The following MYCN variants were observed in gnomAD, a reference collection of about 807,000 sequenced individuals.
MYCN encodes the protein N-myc proto-oncogene protein.
In MYCN, 3 loss-of-function variants were observed where a neutral mutation model predicts 28.1. That is an observed-to-expected ratio of 0.11 (90% CI 0.05 to 0.28). The LOEUF (loss-of-function observed/expected upper bound fraction) is 0.28, where lower values mean the gene tolerates loss of function less well. Ranked by LOEUF, MYCN falls within the 10% of genes least tolerant of loss-of-function variation. The pLI is 1.00. For synonymous variants in MYCN, 326 were observed against 288.3 expected (o/e 1.13, Z -1.32); for missense variants, 572 against 651.4 (o/e 0.88, Z 1.33).
chr2:15,941,763 T>A lies in MYCN; in HGVS notation c.-117-185T>A, dbSNP rs574471856. On this transcript the variant is annotated intron_variant, in intron 1 of 2. Transcript: ENST00000281043. The surrounding 1 kb of genome is among the most constrained non-coding windows in gnomAD (Gnocchi z 4.8). The stretch of plus-strand genomic sequence containing the variant: ...CCTCCCACCCCCTGTCGTAGACAGC[T>A]TGTACACAAAAGGAGGGCGGGAGGG... 33 of 537,718 alleles carry A rather than the reference T, an allele frequency of 6.1e-5. No homozygotes were observed. The highest frequency in any genetic ancestry group is 1.0e-4 in the Non-Finnish European group (31 of 297,006). 33.3% of individuals were successfully genotyped at this position (537,718 alleles called of 1,614,324 possible). A position where few individuals can be genotyped will look rare whatever the true frequency, so the allele number is the denominator to read the frequency against.
chr2:15,942,771 C>G lies in MYCN; in HGVS notation c.707C>G (p.Pro236Arg), dbSNP rs759545096. ...AAPAGAPGVA[P>R]PRPGGRQTSG... ...CCAGCCGGGGCCCCGGGGGTCGCCC[C>G]TCCGCGCCCAGGCGGCCGCCAGACC... Residue 236 changes from proline to arginine, a missense_variant, in exon 2 of 3, where the codon CCT becomes CGT. Physicochemically the swap from Pro to Arg is moderately radical, Grantham distance 103. Transcript: ENST00000281043. The surrounding 1 kb of genome is among the most constrained non-coding windows in gnomAD (Gnocchi z 7.0). 4.8e-6 allele frequency: 7 copies of G among 1,462,642 alleles called. No individual in the cohort carries two copies. The highest frequency in any genetic ancestry group is 6.3e-6 in the Non-Finnish European group (7 of 1,108,812). 90.6% of individuals were successfully genotyped at this position (1,462,642 alleles called of 1,614,324 possible). A position where few individuals can be genotyped will look rare whatever the true frequency, so the allele number is the denominator to read the frequency against.
Position 15,941,841 on chromosome 2 carries a change from G to C in MYCN, c.-117-107G>C. On this transcript the variant is annotated intron_variant, in intron 1 of 2. Coordinates refer to ENST00000281043, the MANE Select transcript of MYCN (RefSeq NM_005378.6). The surrounding 1 kb of genome is among the most constrained non-coding windows in gnomAD (Gnocchi z 4.8). Reference sequence around the variant, plus strand: ...CCTTCGGGAGCAGTGGGCAGAGTGGGGGGCTTGGAGGGAAGATTGGGGAAC... The same window carrying C: ...CCTTCGGGAGCAGTGGGCAGAGTGGCGGGCTTGGAGGGAAGATTGGGGAAC... 1.7e-6 allele frequency: 1 copy of C among 605,910 alleles called. No homozygotes were observed. Among genetic ancestry groups the C allele is most frequent in the South Asian group, 2.0e-5 (1 of 50,828 alleles). The allele number at this position is 605,910 out of a possible 1,614,324, so 37.5% of individuals were successfully genotyped here.
In MYCN at chr2:15,942,914, C is replaced by T; in HGVS notation, c.790+60C>T. ...GGGCACTGGACCCCGGGTCGCGTCCCCTTTGTTAGTGCTCGTATGTCTTGG... is the reference window on the plus strand; with the variant it reads ...GGGCACTGGACCCCGGGTCGCGTCCTCTTTGTTAGTGCTCGTATGTCTTGG... On this transcript the variant is annotated intron_variant, in intron 2 of 2. Coordinates refer to ENST00000281043, the MANE Select transcript of MYCN (RefSeq NM_005378.6). This position sits in a 1 kb window ranked among gnomAD's most constrained non-coding sequence, Gnocchi z 7.0. 13 of 1,526,604 alleles carry T rather than the reference C, an allele frequency of 8.5e-6. No individual in the cohort carries two copies. The South Asian group carries it at 1.5e-4, about 18-fold the overall frequency. The allele number at this position is 1,526,604 out of a possible 1,614,324, so 94.6% of individuals were successfully genotyped here.
At position 15,942,523 on chromosome 2, in the gene MYCN, C is replaced by G. The variant is rs1662721865; in HGVS notation, c.459C>G (p.Gly153=). ...CCACCGCCCAGTCCCCGGGAGCCGG[C>G]GCCGCCAGCCCTGCGGGTCGCGGGC... The part of the protein sequence containing the change: ...AGSTAQSPGA[G]AASPAGRGHG... Residue 153 remains glycine, a synonymous_variant, in exon 2 of 3, where the codon GGC becomes GGG. Transcript: ENST00000281043. The surrounding 1 kb of genome is among the most constrained non-coding windows in gnomAD (Gnocchi z 7.0). 7.1e-7 allele frequency: 1 copy of G among 1,415,590 alleles called. No individual in the cohort carries two copies. The highest frequency in any genetic ancestry group is 9.2e-7 in the Non-Finnish European group (1 of 1,088,546). 87.7% of individuals were successfully genotyped at this position (1,415,590 alleles called of 1,614,324 possible).
chr2:15,944,759 C>A (rs1336305963), intron 2 of MYCN, among the ~76,000 whole-genome samples: 2 of 152,092 alleles, frequency 1.3e-5, no homozygotes, highest in Non-Finnish European at 2.9e-5. Flanking sequence ...AAAGTGGTAT[C>A]ATCCCCATTT....
chr2:15,943,701 T>TTG (rs1031170092), intron 2 of MYCN, among the ~76,000 whole-genome samples: 93 of 152,324 alleles, frequency 6.1e-4, no homozygotes, highest in African/African-American at 2.2e-3. Context: ...GAGATGTGAG[T>TTG]TGTATCTGTA....
chr2:15,945,792 C>T lies in MYCN; in HGVS notation c.1090C>T (p.Pro364Ser), dbSNP rs143438192. The T allele has an allele frequency of 2.9e-5, 46 of 1,613,946 alleles. No individual in the cohort carries two copies. The highest frequency in any genetic ancestry group is 3.8e-5 in the Non-Finnish European group (45 of 1,180,022). ...ASPRPLKSVIPPKAKSLSPRN... is the reference protein window; with the variant it reads ...ASPRPLKSVISPKAKSLSPRN... ...CCCACGTCCGCTCAAGAGTGTCATCCCCCCAAAGGCTAAGAGCTTGAGCCC... is the reference window on the plus strand; with the variant it reads ...CCCACGTCCGCTCAAGAGTGTCATCTCCCCAAAGGCTAAGAGCTTGAGCCC... Residue 364 changes from proline (P) to serine (S), a missense_variant, in exon 3 of 3, where the codon CCC becomes TCC. By Grantham distance (74) the Pro-to-Ser change is moderately conservative. Transcript: ENST00000281043. This position sits in a 1 kb window ranked among gnomAD's most constrained non-coding sequence, Gnocchi z 4.8.
chr2:15,943,406 T>TTC (rs1553370614), intron 2 of MYCN, among the ~76,000 whole-genome samples: 3 of 150,168 alleles, frequency 2.0e-5, no homozygotes, highest in Non-Finnish European at 4.5e-5. Flanking sequence ...TCTTTTTCTT[T>TTC]TTTTTTTTTT....
chr2:15,945,289 C>T lies in MYCN; in HGVS notation c.791-204C>T, dbSNP rs925825680. ...TGCTGGGATTACAGGTGTGAGTCAC[C>T]GCGTCCGGCCTACAGATATATTTAA... On this transcript the variant is annotated intron_variant, in intron 2 of 2. Coordinates refer to ENST00000281043, the MANE Select transcript of MYCN (RefSeq NM_005378.6). The surrounding 1 kb of genome is among the most constrained non-coding windows in gnomAD (Gnocchi z 4.8). Among the ~76,000 whole-genome samples the T allele has an allele frequency of 3.3e-5, 5 of 152,000 alleles. No homozygotes were observed. The highest frequency in any genetic ancestry group is 6.6e-5 in the Admixed American group (1 of 15,258).
In MYCN at chr2:15,945,334, A is replaced by T. The variant is rs910449416; in HGVS notation, c.791-159A>T. On this transcript the variant is annotated intron_variant, in intron 2 of 2. Coordinates refer to ENST00000281043, the MANE Select transcript of MYCN (RefSeq NM_005378.6). The surrounding 1 kb of genome is among the most constrained non-coding windows in gnomAD (Gnocchi z 4.8). Reference sequence around the variant, plus strand: ...ATTTAATTTAAAGAGATCTAAAACAAATACAAAACTGTCCACATCTATGTT... The same window carrying T: ...ATTTAATTTAAAGAGATCTAAAACATATACAAAACTGTCCACATCTATGTT... 1.3e-5 allele frequency among the ~76,000 whole-genome samples: 2 copies of T among 152,084 alleles called. No homozygotes were observed. The highest frequency in any genetic ancestry group is 4.8e-5 in the African/African-American group (2 of 41,406).
At chr2:15,943,162 G>A (rs764268334) in intron 2 of MYCN, among the ~76,000 whole-genome samples, 37 of 152,300 alleles carry the variant, frequency 2.4e-4, no homozygotes, top group Admixed American at 1.6e-3. Flanking sequence ...AGCGCAGTCT[G>A]AGGAATAAAA....
intron 2 of MYCN, among the ~76,000 whole-genome samples, chr2:15,943,197 G>A (rs1269671234): frequency 6.6e-6 from 1 of 152,116 alleles, no homozygotes; most frequent in Admixed American, 6.6e-5. Context: ...TGGCTAAACC[G>A]GGTGGGGGTT....
At position 15,946,112 on chromosome 2, in the gene MYCN, T is replaced by C. The variant is rs1662866747; in HGVS notation, c.*15T>C. 1 of 1,613,938 alleles carries C rather than the reference T, an allele frequency of 6.2e-7. No homozygotes were observed. The highest frequency in any genetic ancestry group is 2.2e-5 in the East Asian group (1 of 44,904). ...GGACTTGCTAGACGCTTCTCAAAAC[T>C]GGACAGTCACTGCCACTTTGCACAT... On this transcript the variant is annotated 3_prime_UTR_variant, in exon 3 of 3. Transcript: ENST00000281043.
In MYCN at chr2:15,942,725, T is replaced by G. The variant is rs2103325911; in HGVS notation, c.661T>G (p.Ser221Ala). 2.4e-6 allele frequency: 3 copies of G among 1,257,534 alleles called. No individual in the cohort carries two copies. Among genetic ancestry groups the G allele is most frequent in the Non-Finnish European group, 1.0e-6 (1 of 1,003,134 alleles). The allele number at this position is 1,257,534 out of a possible 1,614,324, so 77.9% of individuals were successfully genotyped here. ...CCCGGCGGCGGGCCCTGCGGTCGCC[T>G]CGGGGGCGGGTATTGCCGCCCCAGC... ...SAPAAGPAVASGAGIAAPAGA... is the reference protein window; with the variant it reads ...SAPAAGPAVAAGAGIAAPAGA... Residue 221 changes from serine (S) to alanine (A), a missense_variant, in exon 2 of 3, where the codon TCG becomes GCG. This residue lies in a region of MYCN where 499 missense variants were observed against 524.3 expected (regional missense o/e 0.95). Transcript: ENST00000281043. The surrounding 1 kb of genome is among the most constrained non-coding windows in gnomAD (Gnocchi z 7.0).
rs989413771 is a variant in MYCN, at chr2:15,942,013, A to G, written c.-52A>G. The G allele has an allele frequency of 5.6e-6, 9 of 1,610,098 alleles. No individual in the cohort carries two copies. In the African/African-American group the frequency reaches 1.2e-4, roughly 22 times the overall value. ...ACGGGAAGGAAGCACCCCCGGTATTAAAACGAACGGGGCGGAAAGAAGCCC... is the reference window on the plus strand; with the variant it reads ...ACGGGAAGGAAGCACCCCCGGTATTGAAACGAACGGGGCGGAAAGAAGCCC... On this transcript the variant is annotated 5_prime_UTR_variant, in exon 2 of 3. Coordinates refer to ENST00000281043, the MANE Select transcript of MYCN (RefSeq NM_005378.6). This position sits in a 1 kb window ranked among gnomAD's most constrained non-coding sequence, Gnocchi z 7.0.
chr2:15,942,522 G>A lies in MYCN; in HGVS notation c.458G>A (p.Gly153Asp). The part of the protein sequence containing the change: ...AGSTAQSPGA[G>D]AASPAGRGHG... ...TCCACCGCCCAGTCCCCGGGAGCCGGCGCCGCCAGCCCTGCGGGTCGCGGG... is the reference window on the plus strand; with the variant it reads ...TCCACCGCCCAGTCCCCGGGAGCCGACGCCGCCAGCCCTGCGGGTCGCGGG... The change falls in exon 2 of 3, where the codon GGC becomes GAC. Residue 153 changes from glycine (G) to aspartate (D), a missense_variant. Gly to Asp is a moderately conservative substitution (Grantham distance 94). This residue lies in a region of MYCN where 499 missense variants were observed against 524.3 expected (regional missense o/e 0.95). Coordinates refer to ENST00000281043, the MANE Select transcript of MYCN (RefSeq NM_005378.6). This position sits in a 1 kb window ranked among gnomAD's most constrained non-coding sequence, Gnocchi z 7.0. The A allele has an allele frequency of 7.0e-7, 1 of 1,422,546 alleles. No homozygotes were observed. Among genetic ancestry groups the A allele is most frequent in the African/African-American group, 1.5e-5 (1 of 67,194 alleles). 88.1% of individuals were successfully genotyped at this position (1,422,546 alleles called of 1,614,324 possible).
chr2:15,944,437 T>C (rs776821429), intron 2 of MYCN, among the ~76,000 whole-genome samples: 1 of 152,230 alleles, frequency 6.6e-6, no homozygotes, highest in Non-Finnish European at 1.5e-5. Flanking sequence ...TATGGCTTTG[T>C]CATTAAGATT....
At position 15,946,492 on chromosome 2, in the gene MYCN, A is replaced by G. The variant is rs1298500513; in HGVS notation, c.*395A>G. On this transcript the variant is annotated 3_prime_UTR_variant, in exon 3 of 3. Transcript: ENST00000281043. ...TTGCCATTTGATACCCCTGGGGAAC[A>G]TTTCTGTAAATACCATTGACACATC... The G allele has an allele frequency of 1.0e-5, 4 of 385,274 alleles. No individual in the cohort carries two copies. The highest frequency in any genetic ancestry group is 2.0e-5 in the African/African-American group (1 of 50,070). The allele number at this position is 385,274 out of a possible 1,614,324, so 23.9% of individuals were successfully genotyped here.
At position 15,942,965 on chromosome 2, in the gene MYCN, C is replaced by A. The variant is rs1267818917; in HGVS notation, c.790+111C>A. On this transcript the variant is annotated intron_variant, in intron 2 of 2. Transcript: ENST00000281043. The surrounding 1 kb of genome is among the most constrained non-coding windows in gnomAD (Gnocchi z 7.0). ...CCTGGGGAGCATTTTGGAGGCAGTG[C>A]TAGGGGCAGAGAGGTCCTGTTTCCC... 6 of 1,365,790 alleles carry A rather than the reference C, an allele frequency of 4.4e-6. No individual in the cohort carries two copies. The highest frequency in any genetic ancestry group is 5.9e-6 in the Non-Finnish European group (6 of 1,020,206). The allele number at this position is 1,365,790 out of a possible 1,614,324, so 84.6% of individuals were successfully genotyped here.
Sources: allele counts gnomAD v4.1 joint callset (sites outside exome capture counted in the v4.1 genomes callset), GRCh38; gene constraint gnomAD v4.1.1; regional missense constraint gnomAD v4.1.1; non-coding constraint Gnocchi (gnomAD v3.1); transcripts MANE v1.5; gene names NCBI Gene and HGNC (gene_info 2026-07-23, HGNC 2026-07-21).